PRKAR2B: variants seen among roughly 807,000 people sequenced by gnomAD.
The protein encoded by PRKAR2B is cAMP-dependent protein kinase type II-beta regulatory subunit.
PRKAR2B carries 14 observed loss-of-function variants against 49.9 expected under a neutral mutation model. That is an observed-to-expected ratio of 0.28 (90% CI 0.19 to 0.44). PRKAR2B has a LOEUF of 0.44. Ranked by LOEUF, PRKAR2B falls within the 20% of genes least tolerant of loss-of-function variation. The probability of loss-of-function intolerance (pLI) is 1.00; values close to 1 mark genes in which losing one functional copy is unlikely to be tolerated. For synonymous variants in PRKAR2B, 196 were observed against 197.7 expected, an observed-to-expected ratio of 0.99 and a Z score of 0.07; for missense variants, 393 against 537.9, an observed-to-expected ratio of 0.73 and a Z score of 2.67.
intron 7 of PRKAR2B, among the ~76,000 whole-genome samples, chr7:107,152,311 C>T (rs183308277): frequency 6.6e-6 from 1 of 152,318 alleles, no homozygotes; most frequent in East Asian, 1.9e-4. Context: ...CACTCATCAT[C>T]TCTCTGTTGA....
At chr7:107,092,245 TTG>T (rs34502492) in intron 2 of PRKAR2B, among the ~76,000 whole-genome samples, 223 of 148,278 alleles carry the variant, frequency 1.5e-3, no homozygotes, top group African/African-American at 3.0e-3. Flanking sequence ...AACCATTAAG[TTG>T]TGTGTGTGTG....
intron 2 of PRKAR2B, among the ~76,000 whole-genome samples, chr7:107,072,988 A>G (rs1027648787): frequency 6.6e-5 from 10 of 152,198 alleles, no homozygotes; most frequent in Admixed American, 1.3e-4. Flanking sequence ...AGTAAATGCT[A>G]TATGTATATA....
intron 1 of PRKAR2B, among the ~76,000 whole-genome samples, chr7:107,056,937 G>T (rs1254525231): frequency 6.6e-6 from 1 of 152,190 alleles, no homozygotes; most frequent in Non-Finnish European, 1.5e-5. Context: ...TTGCCTGTAG[G>T]ATTTCATATT....
intron 2 of PRKAR2B, among the ~76,000 whole-genome samples, chr7:107,112,468 CAAATT>C (rs528110718): frequency 1.9e-4 from 29 of 151,768 alleles, no homozygotes; most frequent in South Asian, 2.1e-4. Flanking sequence ...CAAAAAAACA[CAAATT>C]AAAATAAATA....
intron 2 of PRKAR2B, among the ~76,000 whole-genome samples, chr7:107,078,641 C>G (rs1190272189): frequency 6.6e-6 from 1 of 151,780 alleles, no homozygotes; most frequent in African/African-American, 2.4e-5. Flanking sequence ...CAGCCACTTG[C>G]CCCTCCTGCT....
rs62483584 is a variant in PRKAR2B at position 107,095,143 on chromosome 7, A to G, written c.343+24827A>G. On this transcript the variant is annotated intron_variant, in intron 2 of 10. Coordinates refer to ENST00000265717, the MANE Select transcript of PRKAR2B (RefSeq NM_002736.3). ...TTGATTCTTCCTATCCATGAGCATGAAATGTTCTTCCATTTGCTTGTGTCC... is the reference window on the plus strand; with the variant it reads ...TTGATTCTTCCTATCCATGAGCATGGAATGTTCTTCCATTTGCTTGTGTCC... Among the ~76,000 whole-genome samples the G allele has an allele frequency of 4.5e-3, 686 of 152,232 alleles. 2 individuals carry two copies. Among genetic ancestry groups the G allele is most frequent in the Non-Finnish European group, 7.8e-3 (532 of 67,992 alleles).
At chr7:107,140,183 G>A (rs1795765720) in intron 4 of PRKAR2B, among the ~76,000 whole-genome samples, 2 of 152,166 alleles carry the variant, frequency 1.3e-5, no homozygotes, top group South Asian at 2.1e-4. Flanking sequence ...CACTTTGACA[G>A]AATAAAAATT....
At chr7:107,120,575 A>C (rs568967891) in intron 2 of PRKAR2B, among the ~76,000 whole-genome samples, 1 of 152,182 alleles carries the variant, frequency 6.6e-6, no homozygotes, top group Non-Finnish European at 1.5e-5. Context: ...AATAAACTCC[A>C]TGTAGATTAA....
chr7:107,049,146 G>A (rs1464741967), intron 1 of PRKAR2B, among the ~76,000 whole-genome samples: 2 of 152,308 alleles, frequency 1.3e-5, no homozygotes, highest in Non-Finnish European at 1.5e-5. Context: ...AAGAGATCTT[G>A]TGTTGCCCCA....
At chr7:107,072,238 A>G (rs1237745836) in intron 2 of PRKAR2B, among the ~76,000 whole-genome samples, 2 of 152,020 alleles carry the variant, frequency 1.3e-5, no homozygotes, top group Non-Finnish European at 2.9e-5. Flanking sequence ...ACAGTTTGGT[A>G]TAAATAAGAT....
At chr7:107,080,652 T>G (rs1794497437) in intron 2 of PRKAR2B, among the ~76,000 whole-genome samples, 1 of 152,224 alleles carries the variant, frequency 6.6e-6, no homozygotes, top group Admixed American at 6.5e-5. Flanking sequence ...GATTATAATT[T>G]ATTCACTGTA....
chr7:107,077,851 A>T (rs10249401), intron 2 of PRKAR2B: 21,565 of 152,090 alleles, frequency 0.14, 2,235 homozygotes, highest in African/African-American at 0.28. Flanking sequence ...TAAAATGGGG[A>T]TAATACCTAA....
chr7:107,150,379 G>C (rs1169786021), intron 6 of PRKAR2B, among the ~76,000 whole-genome samples: 1 of 152,002 alleles, frequency 6.6e-6, no homozygotes, highest in East Asian at 1.9e-4. Flanking sequence ...TTTTTTATGA[G>C]TACATATTAT....
chr7:107,064,090 G>A (rs547385285), intron 1 of PRKAR2B, among the ~76,000 whole-genome samples: 23 of 152,204 alleles, frequency 1.5e-4, no homozygotes, highest in Non-Finnish European at 1.9e-4. Flanking sequence ...GAAAGTATTT[G>A]GGAACGTTTT....
intron 4 of PRKAR2B, among the ~76,000 whole-genome samples, chr7:107,129,742 A>G (rs1795569821): frequency 1.3e-5 from 2 of 152,200 alleles, no homozygotes; most frequent in Admixed American, 1.3e-4. Flanking sequence ...TTATTTCTTG[A>G]TGATATGCTA....
intron 10 of PRKAR2B, among the ~76,000 whole-genome samples, chr7:107,158,154 G>C (rs972655895): frequency 6.6e-6 from 1 of 152,096 alleles, no homozygotes; most frequent in African/African-American, 2.4e-5. Flanking sequence ...CCCTAAGTAG[G>C]GCTATTAGAA....
chr7:107,052,286 G>A (rs1793821795), intron 1 of PRKAR2B, among the ~76,000 whole-genome samples: 1 of 152,208 alleles, frequency 6.6e-6, no homozygotes, highest in Middle Eastern at 3.4e-3. Flanking sequence ...GGGCGTGGTG[G>A]CGGGCGCCTT....
At position 107,066,559 on chromosome 7, in the gene PRKAR2B, C is replaced by T. The variant is rs749044966; in HGVS notation, c.308-3722C>T. ...GGAATTTATAGTTGACAGGTACATCCAAAGATGTTTAGGTTTTTTTTGTTT... is the reference window on the plus strand; with the variant it reads ...GGAATTTATAGTTGACAGGTACATCTAAAGATGTTTAGGTTTTTTTTGTTT... On this transcript the variant is annotated intron_variant, in intron 1 of 10. Transcript: ENST00000265717. 8 of 151,890 alleles carry T rather than the reference C, an allele frequency of 5.3e-5. 1 individual carries two copies. Among genetic ancestry groups the T allele is most frequent in the Non-Finnish European group, 1.2e-4 (8 of 67,970 alleles). 9.4% of individuals were successfully genotyped at this position (151,890 alleles called of 1,614,324 possible).
intron 2 of PRKAR2B, among the ~76,000 whole-genome samples, chr7:107,111,079 A>G (rs1254900560): frequency 6.6e-6 from 1 of 152,172 alleles, no homozygotes; most frequent in East Asian, 1.9e-4. Flanking sequence ...ACCCTTCATC[A>G]TAAGCGACTG....
Sources: allele counts gnomAD v4.1 joint callset (sites outside exome capture counted in the v4.1 genomes callset), GRCh38; gene constraint gnomAD v4.1.1; transcripts MANE v1.5; gene names NCBI Gene and HGNC (gene_info 2026-07-23, HGNC 2026-07-21).